The following CYB561D1 variants were observed in gnomAD, a reference collection of about 807,000 sequenced individuals.
CYB561D1 encodes the protein cytochrome b561 family member D1.
CYB561D1 carries 15 observed loss-of-function variants against 19.2 expected under a neutral mutation model. The observed-to-expected ratio is 0.78, with a 90% CI of 0.52 to 1.20. The LOEUF (loss-of-function observed/expected upper bound fraction) is 1.20, where lower values mean the gene tolerates loss of function less well. Ranked by LOEUF, CYB561D1 falls within the 50% of genes most tolerant of loss-of-function variation. CYB561D1 has a pLI of 0.00. For missense variants in CYB561D1, 297 were observed against 287.3 expected (o/e 1.03, Z -0.24); for synonymous variants, 133 against 120.6 (o/e 1.10, Z -0.68).
chr1:109,495,274 G>A, intron 2 of CYB561D1, 94 bp downstream of exon 2: 2 of 1,417,390 alleles, frequency 1.4e-6, no homozygotes, highest in Non-Finnish European at 2.0e-6. Context: ...CCTTTCTAAG[G>A]CTAAGACAGG....
In CYB561D1 at chr1:109,496,863, G is replaced by T. The variant is rs1453989422; in HGVS notation, c.*604G>T. 6.6e-6 allele frequency: 1 copy of T among 152,526 alleles called. No homozygotes were observed. Among genetic ancestry groups the T allele is most frequent in the South Asian group, 2.1e-4 (1 of 4,830 alleles). 9.4% of individuals were successfully genotyped at this position (152,526 alleles called of 1,614,324 possible). ...GTGGACCACTTAGCAGACTCAGGGG[G>T]TAGTTCTTTACTCTCCCTTTACTAC... On this transcript the variant is annotated 3_prime_UTR_variant, in exon 3 of 3. Transcript: ENST00000420578.
At position 109,494,188 on chromosome 1, in the gene CYB561D1, A is replaced by AGACT. The variant is rs1333199515; in HGVS notation, c.53_56dup (p.Arg20AspfsTer51). On this transcript the variant is annotated frameshift_variant, in exon 1 of 3. Transcript: ENST00000420578. LOFTEE classifies it high-confidence loss of function. The stretch of plus-strand genomic sequence containing the variant: ...GGTTCCCGCTCCAGCTGGGGAGCCG[A>AGACT]GACTGACCCGCTGGCTGCGGAGAGG... 1.9e-6 allele frequency: 3 copies of AGACT among 1,555,826 alleles called. No individual in the cohort carries two copies. The highest frequency in any genetic ancestry group is 1.2e-5 in the South Asian group (1 of 84,280).
rs1324199593 is a variant in CYB561D1, at chr1:109,499,028, AG to A, written c.*2770del. On this transcript the variant is annotated 3_prime_UTR_variant, in exon 3 of 3. Transcript: ENST00000420578. The stretch of plus-strand genomic sequence containing the variant: ...TCAACCTTGAGGACATTAGAAATAT[AG>A]ATGGCTTCTGTATCCAAATCTGAAT... The A allele has an allele frequency of 6.6e-6, 1 of 152,046 alleles. No individual in the cohort carries two copies. Among genetic ancestry groups the A allele is most frequent in the Non-Finnish European group, 1.5e-5 (1 of 67,954 alleles). 9.4% of individuals were successfully genotyped at this position (152,046 alleles called of 1,614,324 possible). A position where few individuals can be genotyped will look rare whatever the true frequency, so the allele number is the denominator to read the frequency against.
chr1:109,500,264 G>A lies in CYB561D1; in HGVS notation c.*4005G>A, dbSNP rs550976578. 1.1e-4 allele frequency: 16 copies of A among 152,340 alleles called. No homozygotes were observed. The highest frequency in any genetic ancestry group is 3.9e-4 in the African/African-American group (16 of 41,558). The allele number at this position is 152,340 out of a possible 1,614,324, so 9.4% of individuals were successfully genotyped here. Reference sequence around the variant, plus strand: ...GAAATGAAAGGTGCATCAGCTTGGGGGCTGGGAAACCTGCAGTATGGGTTT... The same window carrying A: ...GAAATGAAAGGTGCATCAGCTTGGGAGCTGGGAAACCTGCAGTATGGGTTT... On this transcript the variant is annotated 3_prime_UTR_variant, in exon 3 of 3. Transcript: ENST00000420578.
At position 109,496,103 on chromosome 1, in the gene CYB561D1, A is replaced by G. The variant is rs774864257; in HGVS notation, c.534A>G (p.Thr178=). ...GACTGGTGGTCTACCTGATGGCTACAGTAACGGTGCTTCTGGGCATGTACT... is the reference window on the plus strand; with the variant it reads ...GACTGGTGGTCTACCTGATGGCTACGGTAACGGTGCTTCTGGGCATGTACT... ...TCGLVVYLMA[T]VTVLLGMYSV... Residue 178 remains threonine, a synonymous_variant, in exon 3 of 3, where the codon ACA becomes ACG. Coordinates refer to ENST00000420578, the MANE Select transcript of CYB561D1 (RefSeq NM_182580.3). 26 of 1,614,096 alleles carry G rather than the reference A, an allele frequency of 1.6e-5. No individual in the cohort carries two copies. The highest frequency in any genetic ancestry group is 3.3e-5 in the Admixed American group (2 of 60,006).
intron 1 of CYB561D1, 60 bp downstream of exon 1, chr1:109,494,347 C>T (rs981483327): frequency 6.6e-7 from 1 of 1,522,546 alleles, no homozygotes; most frequent in East Asian, 2.5e-5. Context: ...AGGGGCAGCG[C>T]TTGGGAGCCC....
Position 109,496,364 on chromosome 1 carries a change from T to C in CYB561D1, c.*105T>C. The C allele has an allele frequency of 7.4e-7, 1 of 1,349,006 alleles. No individual in the cohort carries two copies. The highest frequency in any genetic ancestry group is 1.0e-6 in the Non-Finnish European group (1 of 997,222). The allele number at this position is 1,349,006 out of a possible 1,614,324, so 83.6% of individuals were successfully genotyped here. On this transcript the variant is annotated 3_prime_UTR_variant, in exon 3 of 3. Transcript: ENST00000420578. The stretch of plus-strand genomic sequence containing the variant: ...TAAGAAGTGGTCAGGTTTTCGCACT[T>C]CTTGGCTGGTCCAGGGACTGCAGAA...
rs376345691 is a variant in CYB561D1 at position 109,495,380 on chromosome 1, G to C, written c.186+200G>C. Among the ~76,000 whole-genome samples, 62 of 152,336 alleles carry C rather than the reference G, an allele frequency of 4.1e-4. No individual in the cohort carries two copies. In the South Asian group the frequency reaches 5.6e-3, roughly 14 times the overall value. On this transcript the variant is annotated intron_variant, in intron 2 of 2. Transcript: ENST00000420578. ...AGGCAGTTGTCAGATGGTTGAAAAG[G>C]GCGGGAGGGCATGGAAGATAATTTC...
rs1306692974 is a variant in CYB561D1 at position 109,494,099 on chromosome 1, T to G, written c.-41T>G. 1 of 1,405,724 alleles carries G rather than the reference T, an allele frequency of 7.1e-7. No homozygotes were observed. The highest frequency in any genetic ancestry group is 9.3e-7 in the Non-Finnish European group (1 of 1,074,760). 87.1% of individuals were successfully genotyped at this position (1,405,724 alleles called of 1,614,324 possible). On this transcript the variant is annotated 5_prime_UTR_variant, in exon 1 of 3. Coordinates refer to ENST00000420578, the MANE Select transcript of CYB561D1 (RefSeq NM_182580.3). The stretch of plus-strand genomic sequence containing the variant: ...TCCGCGATCGCAAACCCGGAAGACG[T>G]GTTCGGGCAGCTGGAGTGTACGGGC...
chr1:109,495,221 ACCT>A (rs1657456363), intron 2 of CYB561D1, 41 bp downstream of exon 2: 1 of 1,608,518 alleles, frequency 6.2e-7, no homozygotes. Context: ...GGTATTCCTC[ACCT>A]CATTCTCCCA....
rs186692272 is a variant in CYB561D1 at position 109,495,130 on chromosome 1, C to T, written c.149-13C>T. The T allele has an allele frequency of 1.2e-6, 2 of 1,614,206 alleles. No homozygotes were observed. Among genetic ancestry groups the T allele is most frequent in the South Asian group, 1.1e-5 (1 of 91,088 alleles). ...TGGTACCAAGCCCTCAGCCTGTTCTCTTTGATTCTTAGGTCTTTTCTCCTG... is the reference window on the plus strand; with the variant it reads ...TGGTACCAAGCCCTCAGCCTGTTCTTTTTGATTCTTAGGTCTTTTCTCCTG... On this transcript the variant is annotated splice_polypyrimidine_tract_variant and intron_variant, in intron 1 of 2. Transcript: ENST00000420578.
chr1:109,494,276 G>C lies in CYB561D1; in HGVS notation c.137G>C (p.Arg46Pro), dbSNP rs757667428. 3.8e-6 allele frequency: 6 copies of C among 1,587,728 alleles called. 1 individual carries two copies. The South Asian group carries it at 5.7e-5, about 15-fold the overall frequency. Residue 46 changes from arginine (R) to proline (P), a missense_variant, in exon 1 of 3, where the codon CGG (arginine) becomes CCG (proline). Physicochemically the swap from Arg to Pro is moderately radical, Grantham distance 103. Coordinates refer to ENST00000420578, the MANE Select transcript of CYB561D1 (RefSeq NM_182580.3). ...ACCATCTTTCTGACAGCGCTGTCCC[G>C]GCCAGGAACCAGTGAGTGTGCGGGG... ...GFTIFLTALS[R>P]PGTSLFSWHP...
At position 109,497,610 on chromosome 1, in the gene CYB561D1, G is replaced by A. The variant is rs1336364912; in HGVS notation, c.*1351G>A. On this transcript the variant is annotated 3_prime_UTR_variant, in exon 3 of 3. Transcript: ENST00000420578. ...ATAGGATCTCCCTAGATCATGGCAA[G>A]GCCTGACAACAGCTGAGCCAGGAAA... The A allele has an allele frequency of 6.6e-6, 1 of 152,288 alleles. No individual in the cohort carries two copies. Among genetic ancestry groups the A allele is most frequent in the Non-Finnish European group, 1.5e-5 (1 of 68,088 alleles). 9.4% of individuals were successfully genotyped at this position (152,288 alleles called of 1,614,324 possible). A position where few individuals can be genotyped will look rare whatever the true frequency, so the allele number is the denominator to read the frequency against.
In CYB561D1 at chr1:109,499,713, C is replaced by T. The variant is rs548373196; in HGVS notation, c.*3454C>T. The T allele has an allele frequency of 2.8e-3, 423 of 152,358 alleles. 2 individuals are homozygous for T. The highest frequency in any genetic ancestry group is 4.7e-3 in the Non-Finnish European group (322 of 68,064). The allele number at this position is 152,358 out of a possible 1,614,324, so 9.4% of individuals were successfully genotyped here. On this transcript the variant is annotated 3_prime_UTR_variant, in exon 3 of 3. Coordinates refer to ENST00000420578, the MANE Select transcript of CYB561D1 (RefSeq NM_182580.3). ...AGGCATCCTCCCTAAGCCAGCTGGC[C>T]GCTGTGCTAAAGCCTGTTCAGAGTT...
At position 109,494,286 on chromosome 1, in the gene CYB561D1, C is replaced by T; in HGVS notation, c.147C>T (p.Thr49=). The part of the protein sequence containing the change: ...IFLTALSRPG[T]SLFSWHPVFM... ...TGACAGCGCTGTCCCGGCCAGGAAC[C>T]AGTGAGTGTGCGGGGCGGGGTTGCG... Residue 49 remains threonine, a splice_region_variant and synonymous_variant, in exon 1 of 3, where the codon ACC becomes ACT. Coordinates refer to ENST00000420578, the MANE Select transcript of CYB561D1 (RefSeq NM_182580.3). 1 of 1,584,314 alleles carries T rather than the reference C, an allele frequency of 6.3e-7. No homozygotes were observed. The highest frequency in any genetic ancestry group is 8.6e-7 in the Non-Finnish European group (1 of 1,164,294).
rs1657809312 is a variant in CYB561D1, at chr1:109,500,009, A to G, written c.*3750A>G. ...TCAAGATATGTAGGGAACACAGTGT[A>G]TGCTAGGCTGAGACCTATGGTGGTG... On this transcript the variant is annotated 3_prime_UTR_variant, in exon 3 of 3. Coordinates refer to ENST00000420578, the MANE Select transcript of CYB561D1 (RefSeq NM_182580.3). 1 of 152,290 alleles carries G rather than the reference A, an allele frequency of 6.6e-6. No individual in the cohort carries two copies. Among genetic ancestry groups the G allele is most frequent in the Non-Finnish European group, 1.5e-5 (1 of 68,068 alleles). The allele number at this position is 152,290 out of a possible 1,614,324, so 9.4% of individuals were successfully genotyped here. A position where few individuals can be genotyped will look rare whatever the true frequency, so the allele number is the denominator to read the frequency against.
At position 109,497,393 on chromosome 1, in the gene CYB561D1, G is replaced by A; in HGVS notation, c.*1134G>A. ...CTTGTTATCTAAGCTTTCCTCAGTTGTCATCTCTTCCCAGCTCTTTGGTCC... is the reference window on the plus strand; with the variant it reads ...CTTGTTATCTAAGCTTTCCTCAGTTATCATCTCTTCCCAGCTCTTTGGTCC... On this transcript the variant is annotated 3_prime_UTR_variant, in exon 3 of 3. Coordinates refer to ENST00000420578, the MANE Select transcript of CYB561D1 (RefSeq NM_182580.3). The A allele has an allele frequency of 6.6e-6, 1 of 152,382 alleles. No homozygotes were observed. Among genetic ancestry groups the A allele is most frequent in the Non-Finnish European group, 1.5e-5 (1 of 68,076 alleles). The allele number at this position is 152,382 out of a possible 1,614,324, so 9.4% of individuals were successfully genotyped here.
chr1:109,494,316 G>T, intron 1 of CYB561D1, 29 bp downstream of exon 1: 1 of 1,554,128 alleles, frequency 6.4e-7, no homozygotes, highest in South Asian at 1.2e-5. Flanking sequence ...GTTGCGGAAG[G>T]GGGCGGAGTG....
Position 109,495,851 on chromosome 1 carries a change from G to A in CYB561D1, c.282G>A (p.Trp94Ter). The A allele has an allele frequency of 6.2e-7, 1 of 1,613,856 alleles. No individual in the cohort carries two copies. Among genetic ancestry groups the A allele is most frequent in the East Asian group, 2.2e-5 (1 of 44,878 alleles). ...CSRKARIRLHWAGQTLAILCA... is the reference protein window; with the variant it reads ...CSRKARIRLH Reference sequence around the variant, plus strand: ...GAAAAGCACGGATCCGGCTCCACTGGGCAGGGCAGACCCTAGCCATCCTCT... The same window carrying A: ...GAAAAGCACGGATCCGGCTCCACTGAGCAGGGCAGACCCTAGCCATCCTCT... The change falls in exon 3 of 3, where the codon TGG becomes TGA. Residue 94 changes from tryptophan (W) to a stop codon, truncating the protein, a stop_gained. Coordinates refer to ENST00000420578, the MANE Select transcript of CYB561D1 (RefSeq NM_182580.3). LOFTEE classifies it high-confidence loss of function.
Sources: allele counts gnomAD v4.1 joint callset (sites outside exome capture counted in the v4.1 genomes callset), GRCh38; gene constraint gnomAD v4.1.1; transcripts MANE v1.5; gene names NCBI Gene and HGNC (gene_info 2026-07-23, HGNC 2026-07-21).